The following RASAL3 variants were observed in gnomAD, a reference collection of about 807,000 sequenced individuals.
The protein encoded by RASAL3 is RAS protein activator like 3.
In RASAL3, 74 loss-of-function variants were observed where a neutral mutation model predicts 105.5. The ratio of observed to expected loss-of-function variants is 0.70; its 90% confidence interval spans 0.58 to 0.85. The LOEUF is 0.85. RASAL3 is among the 40% of genes least tolerant of loss of function. RASAL3 has a pLI of 0.00. For synonymous variants in RASAL3, 579 were observed against 591.6 expected (o/e 0.98, Z 0.31); for missense variants, 1,352 against 1,392.0 (o/e 0.97, Z 0.46).
chr19:15,453,550 C>T lies in RASAL3; in HGVS notation c.2280-53G>A. ...CCTCCACTGGCCCCTGAGACGACCC[C>T]ATCCCGACCTGACCAGAAGTGACCT... On this transcript the variant is annotated intron_variant, in intron 14 of 17. Coordinates refer to ENST00000343625, the MANE Select transcript of RASAL3 (RefSeq NM_022904.3). The surrounding 1 kb of genome is among the most constrained non-coding windows in gnomAD (Gnocchi z 4.2). 6.9e-7 allele frequency: 1 copy of T among 1,450,464 alleles called. No homozygotes were observed. Among genetic ancestry groups the T allele is most frequent in the Non-Finnish European group, 9.0e-7 (1 of 1,110,838 alleles). 89.8% of individuals were successfully genotyped at this position (1,450,464 alleles called of 1,614,324 possible).
In RASAL3 at chr19:15,454,900, C is replaced by A; in HGVS notation, c.1722-7G>T. 6.5e-7 allele frequency: 1 copy of A among 1,541,214 alleles called. No individual in the cohort carries two copies. ...CAGCTCCGCAGGGAACCAGCTGGTGCAGAAGAGGCAATGAATGGTCAGACG... is the reference window on the plus strand; with the variant it reads ...CAGCTCCGCAGGGAACCAGCTGGTGAAGAAGAGGCAATGAATGGTCAGACG... On this transcript the variant is annotated splice_polypyrimidine_tract_variant and splice_region_variant and intron_variant, in intron 11 of 17. Coordinates refer to ENST00000343625, the MANE Select transcript of RASAL3 (RefSeq NM_022904.3).
At position 15,456,157 on chromosome 19, in the gene RASAL3, G is replaced by GGCCTGGT; in HGVS notation, c.1661_1667dup (p.Arg557ProfsTer38). On this transcript the variant is annotated frameshift_variant, in exon 11 of 18. Transcript: ENST00000343625. LOFTEE classifies it high-confidence loss of function. The surrounding 1 kb of genome is among the most constrained non-coding windows in gnomAD (Gnocchi z 4.4). ...CCTCCTCGCAGCTGTTCCGAAGTCT[G>GGCCTGGT]GCCTGGTGCTCTGGCAGCTCCGAGG... is the stretch of plus-strand genomic sequence containing the variant. 1.2e-6 allele frequency: 2 copies of GGCCTGGT among 1,613,862 alleles called. No homozygotes were observed. The highest frequency in any genetic ancestry group is 1.7e-6 in the Non-Finnish European group (2 of 1,179,834).
intron 11 of RASAL3, among the ~76,000 whole-genome samples, chr19:15,455,446 C>T (rs914804135): frequency 2.0e-5 from 3 of 152,056 alleles, no homozygotes; most frequent in Admixed American, 2.0e-4. Context: ...CTTGGGGCAT[C>T]ATCTGGTCAT....
Position 15,454,442 on chromosome 19 carries a change from ACCACTGGGGGCAGCAT to A in RASAL3, c.2063_2078del (p.Asp688ValfsTer12). On this transcript the variant is annotated frameshift_variant, in exon 13 of 18. Transcript: ENST00000343625. LOFTEE classifies it high-confidence loss of function. ...GGGCCAGATCACCACTGCCCTGGTA[ACCACTGGGGGCAGCAT>A]CCACATCCACCATGGCTACCTGGTC... The A allele has an allele frequency of 6.2e-7, 1 of 1,613,958 alleles. No homozygotes were observed.
chr19:15,454,203 A>G lies in RASAL3; in HGVS notation c.2225T>C (p.Val742Ala). The G allele has an allele frequency of 6.4e-7, 1 of 1,571,136 alleles. No individual in the cohort carries two copies. Among genetic ancestry groups the G allele is most frequent in the Non-Finnish European group, 8.6e-7 (1 of 1,157,850 alleles). The change falls in exon 14 of 18, where the codon GTG (valine) becomes GCG (alanine). Residue 742 changes from valine to alanine, a missense_variant. Coordinates refer to ENST00000343625, the MANE Select transcript of RASAL3 (RefSeq NM_022904.3). The part of the protein sequence containing the change: ...ILRAIEEGQP[V>A]LVSVPMRLPL... The stretch of plus-strand genomic sequence containing the variant: ...GAGACGCATTGGCACTGACACAAGC[A>G]CAGGCTGGCCCTCCTCAATGGCTCG...
chr19:15,459,910 C>A (rs543387974), intron 6 of RASAL3, among the ~76,000 whole-genome samples: 1 of 152,144 alleles, frequency 6.6e-6, no homozygotes, highest in Non-Finnish European at 1.5e-5. Context: ...TTTCCACCCC[C>A]CTGTTGGCCT....
Position 15,453,120 on chromosome 19 carries a change from C to T in RASAL3, c.2657G>A (p.Arg886Gln). The T allele has an allele frequency of 1.2e-6, 2 of 1,613,616 alleles. No homozygotes were observed. The highest frequency in any genetic ancestry group is 1.7e-6 in the Non-Finnish European group (2 of 1,179,722). Residue 886 changes from arginine to glutamine, a missense_variant, in exon 15 of 18, where the codon CGA (arginine) becomes CAA (glutamine). Arg to Gln is a conservative substitution (Grantham distance 43, BLOSUM62 1). This residue lies in a region of RASAL3 where 920 missense variants were observed against 919.6 expected (regional missense o/e 1.00). Transcript: ENST00000343625. This position sits in a 1 kb window ranked among gnomAD's most constrained non-coding sequence, Gnocchi z 4.2. Reference sequence around the variant, plus strand: ...GCCTGACCTTACCTTGTTCACAGGTCGGTGCGTGCCCAGTGCCTGGTTTCG... The same window carrying T: ...GCCTGACCTTACCTTGTTCACAGGTTGGTGCGTGCCCAGTGCCTGGTTTCG... ...QDRNQALGTH[R>Q]PVNKLAELQC... is the part of the protein sequence containing the mutation.
In RASAL3 at chr19:15,461,113, G is replaced by A. The variant is rs1319206148; in HGVS notation, c.553C>T (p.Pro185Ser). ...MGNFRDPDRM[P>S]GKTEPETAGP... ...GCAGTCTCCGGTTCTGTTTTTCCAG[G>A]CATCCGATCTGTGGGTCGTTATGGG... is the stretch of plus-strand genomic sequence containing the variant. The change falls in exon 5 of 18, where the codon CCT (proline) becomes TCT (serine). Residue 185 changes from proline to serine, a missense_variant. Pro to Ser is a moderately conservative substitution (Grantham distance 74). This residue lies in a region of RASAL3 where 344 missense variants were observed against 339.6 expected (regional missense o/e 1.01). Transcript: ENST00000343625. The A allele has an allele frequency of 1.9e-6, 3 of 1,613,824 alleles. No individual in the cohort carries two copies. The highest frequency in any genetic ancestry group is 2.5e-6 in the Non-Finnish European group (3 of 1,179,838).
intron 8 of RASAL3, 140 bp downstream of exon 8, chr19:15,458,188 T>G (rs1481075868): frequency 1.3e-6 from 1 of 757,040 alleles, no homozygotes; most frequent in Non-Finnish European, 2.2e-6. Context: ...AGGGGAGTCT[T>G]GGAGCCGTTG....
chr19:15,452,369 C>G, intron 16 of RASAL3: 2 of 594,056 alleles, frequency 3.4e-6, no homozygotes, highest in Non-Finnish European at 6.0e-6. Context: ...GGAGGGAGTG[C>G]CCAGGCTGAG....
chr19:15,464,434 C>A, intron 1 of RASAL3, 57 bp from the exon 2 acceptor site: 1 of 1,387,662 alleles, frequency 7.2e-7, no homozygotes, highest in African/African-American at 1.4e-5. Flanking sequence ...CTGCCCTCAT[C>A]TCGGCCCCCT....
intron 8 of RASAL3, 75 bp downstream of exon 8, chr19:15,458,252 GC>G (rs1970391375): frequency 7.1e-7 from 1 of 1,412,196 alleles, no homozygotes; most frequent in African/African-American, 1.4e-5. Flanking sequence ...GAGCGAGCTG[GC>G]TTTGGGTAGA....
chr19:15,452,275 C>A, intron 16 of RASAL3, 167 bp from the exon 17 acceptor site: 1 of 675,886 alleles, frequency 1.5e-6, no homozygotes, highest in South Asian at 1.7e-5. Flanking sequence ...GGACCAGAGA[C>A]GGGAATGGTT....
chr19:15,454,197 A>C lies in RASAL3; in HGVS notation c.2231T>G (p.Val744Gly), dbSNP rs1252712148. ...RAIEEGQPVL[V>G]SVPMRLPLPP... ...CAGTGGGAGACGCATTGGCACTGAC[A>C]CAAGCACAGGCTGGCCCTCCTCAAT... is the stretch of plus-strand genomic sequence containing the variant. Residue 744 changes from valine to glycine, a missense_variant, in exon 14 of 18, where the codon GTG (valine) becomes GGG (glycine). Physicochemically the swap from Val to Gly is moderately radical, Grantham distance 109. Coordinates refer to ENST00000343625, the MANE Select transcript of RASAL3 (RefSeq NM_022904.3). 6.4e-7 allele frequency: 1 copy of C among 1,570,904 alleles called. No individual in the cohort carries two copies. Among genetic ancestry groups the C allele is most frequent in the Admixed American group, 1.9e-5 (1 of 53,206 alleles).
Position 15,457,569 on chromosome 19 carries a change from A to G in RASAL3, c.1154T>C (p.Leu385Pro), listed in dbSNP as rs973966747. 5 of 1,191,378 alleles carry G rather than the reference A, an allele frequency of 4.2e-6. No homozygotes were observed. The highest frequency in any genetic ancestry group is 9.8e-5 in the Admixed American group (2 of 20,512). 73.8% of individuals were successfully genotyped at this position (1,191,378 alleles called of 1,614,324 possible). A position where few individuals can be genotyped will look rare whatever the true frequency, so the allele number is the denominator to read the frequency against. The change falls in exon 9 of 18, where the codon CTG becomes CCG. Residue 385 changes from leucine to proline, a missense_variant. Coordinates refer to ENST00000343625, the MANE Select transcript of RASAL3 (RefSeq NM_022904.3). The surrounding 1 kb of genome is among the most constrained non-coding windows in gnomAD (Gnocchi z 8.6). ...TGGGGCGTCCAGCTCCTCCAGCGCC[A>G]GGGCCACGCGGCCCAGCACCGCGCT... Reference protein sequence around the residue: ...PGSAVLGRVALALEELDAPRA... With the variant: ...PGSAVLGRVAPALEELDAPRA...
At chr19:15,458,017 T>C in intron 8 of RASAL3, 183 bp from the exon 9 acceptor site, 1 of 706,932 alleles carries the variant, frequency 1.4e-6, no homozygotes, top group Non-Finnish European at 2.3e-6. Flanking sequence ...TCTTCTAGCT[T>C]TTCTGGGCTC....
chr19:15,458,128 A>G, intron 8 of RASAL3, 200 bp downstream of exon 8: 1 of 637,044 alleles, frequency 1.6e-6, no homozygotes, highest in Non-Finnish European at 2.7e-6. Context: ...TGGGGCCGGG[A>G]GTGGACAGAA....
At position 15,453,145 on chromosome 19, in the gene RASAL3, G is replaced by A; in HGVS notation, c.2632C>T (p.Arg878Ter). The change falls in exon 15 of 18, where the codon CGA (arginine) becomes TGA (stop). Residue 878 changes from arginine (R) to a stop codon, truncating the protein, a stop_gained. Transcript: ENST00000343625. LOFTEE classifies it high-confidence loss of function. This position sits in a 1 kb window ranked among gnomAD's most constrained non-coding sequence, Gnocchi z 4.2. The stretch of plus-strand genomic sequence containing the variant: ...CGGTGCGTGCCCAGTGCCTGGTTTC[G>A]GTCTTGCGGCTGGTCCATTTGGCGC... ...WQRQMDQPQDRNQALGTHRPV... is the reference protein window; with the variant it reads ...WQRQMDQPQD 6.2e-7 allele frequency: 1 copy of A among 1,613,680 alleles called. No individual in the cohort carries two copies. The highest frequency in any genetic ancestry group is 8.5e-7 in the Non-Finnish European group (1 of 1,179,722).
intron 15 of RASAL3, 25 bp from the exon 16 acceptor site, chr19:15,452,840 C>A: frequency 6.6e-7 from 1 of 1,518,902 alleles, no homozygotes; most frequent in Non-Finnish European, 8.9e-7. Flanking sequence ...CAGCTGTAAT[C>A]TGACCCGTTG....
Sources: allele counts gnomAD v4.1 joint callset (sites outside exome capture counted in the v4.1 genomes callset), GRCh38; gene constraint gnomAD v4.1.1; regional missense constraint gnomAD v4.1.1; non-coding constraint Gnocchi (gnomAD v3.1); transcripts MANE v1.5; gene names NCBI Gene and HGNC (gene_info 2026-07-23, HGNC 2026-07-21).